Variants in NASP observed in about 807,000 individuals in gnomAD.
NASP encodes the protein nuclear autoantigenic sperm protein.
A neutral mutation model predicts 89.5 loss-of-function variants in NASP; 24 were observed. The observed-to-expected ratio is 0.27, with a 90% CI of 0.19 to 0.38. NASP has a LOEUF of 0.38. Among genes scored for constraint, NASP ranks in the 10% least tolerant of loss-of-function variants. The pLI, the probability that NASP is intolerant of heterozygous loss-of-function variation, is 1.00. For missense variants in NASP, 848 were observed against 921.4 expected (o/e 0.92, Z 1.03); for synonymous variants, 306 against 324.7 (o/e 0.94, Z 0.62).
intron 2 of NASP, among the ~76,000 whole-genome samples, chr1:45,591,737 C>G (rs554024425): frequency 6.6e-6 from 1 of 152,254 alleles, no homozygotes. Context: ...CCCGTAGTGA[C>G]TATGTTTCTT....
At chr1:45,614,829 G>T (rs989309749) in intron 9 of NASP, 184 bp from the exon 10 acceptor site, 6 of 575,834 alleles carry the variant, frequency 1.0e-5, no homozygotes, top group Non-Finnish European at 1.8e-5. Flanking sequence ...GAGCCACCAC[G>T]CCCAGCCTCA....
intron 1 of NASP, among the ~76,000 whole-genome samples, chr1:45,584,655 A>G (rs558718162): frequency 1.4e-5 from 2 of 142,942 alleles, no homozygotes; most frequent in South Asian, 2.5e-4. Flanking sequence ...TTGCACGAGG[A>G]AGGAGGCTGG....
chr1:45,588,594 T>G, intron 1 of NASP: 2 of 451,236 alleles, frequency 4.4e-6, no homozygotes, highest in South Asian at 3.1e-5. Flanking sequence ...ACCCTATCTT[T>G]GACTATTCGA....
intron 1 of NASP, chr1:45,588,971 GTT>G (rs1643440599): frequency 5.8e-6 from 1 of 171,130 alleles, no homozygotes; most frequent in Non-Finnish European, 1.3e-5. Context: ...TTGTTTGTTT[GTT>G]TGTTTGTTTG....
chr1:45,614,840 G>A (rs1644075765), intron 9 of NASP, 173 bp from the exon 10 acceptor site: 1 of 617,762 alleles, frequency 1.6e-6, no homozygotes, highest in Admixed American at 3.1e-5. Flanking sequence ...CCCAGCCTCA[G>A]TAGGTTTTTA....
rs967332455 is a variant in NASP, at chr1:45,599,100, T to A, written c.108-3155T>A. On this transcript the variant is annotated intron_variant, in intron 2 of 14. Transcript: ENST00000350030. ...TTTTACGGTTTCTTTCCTTTTTTTT[T>A]AAATAGAGAAAGAGTGTTTTTGTTT... 4.1e-4 allele frequency among the ~76,000 whole-genome samples: 63 copies of A among 152,250 alleles called. No homozygotes were observed. In the Middle Eastern group the frequency reaches 0.01, roughly 25 times the overall value.
At chr1:45,589,824 C>G (rs1213045206) in intron 1 of NASP, among the ~76,000 whole-genome samples, 1 of 151,912 alleles carries the variant, frequency 6.6e-6, no homozygotes, top group Non-Finnish European at 1.5e-5. Flanking sequence ...TGGCTTGAAC[C>G]CAGAAGGCAG....
intron 2 of NASP, among the ~76,000 whole-genome samples, chr1:45,601,388 T>C (rs371057461): frequency 3.9e-5 from 6 of 152,322 alleles, no homozygotes; most frequent in South Asian, 2.1e-4. Context: ...CTTTATTGCA[T>C]GTGGATTTAT....
chr1:45,590,353 C>T (rs958078485), intron 1 of NASP, among the ~76,000 whole-genome samples: 3 of 151,666 alleles, frequency 2.0e-5, no homozygotes, highest in Non-Finnish European at 4.4e-5. Flanking sequence ...ACCATCCTGG[C>T]TAACACGGTG....
chr1:45,604,316 T>C (rs1643884425), intron 3 of NASP, among the ~76,000 whole-genome samples: 1 of 152,238 alleles, frequency 6.6e-6, no homozygotes, highest in Non-Finnish European at 1.5e-5. Flanking sequence ...TGTCTAGATA[T>C]TAATAGCTAA....
At position 45,615,397 on chromosome 1, in the gene NASP, A is replaced by G; in HGVS notation, c.1948A>G (p.Arg650Gly). The G allele has an allele frequency of 6.2e-7, 1 of 1,614,236 alleles. No homozygotes were observed. The highest frequency in any genetic ancestry group is 8.5e-7 in the Non-Finnish European group (1 of 1,180,002). ...ACTAAAGGAACTGCTACCCGAAATTAGAGAGAAGATAGAAGATGCAAAGGA... is the reference window on the plus strand; with the variant it reads ...ACTAAAGGAACTGCTACCCGAAATTGGAGAGAAGATAGAAGATGCAAAGGA... ...EELKELLPEI[R>G]EKIEDAKESQ... is the part of the protein sequence containing the mutation. Residue 650 changes from arginine (R) to glycine (G), a missense_variant, in exon 11 of 15, where the codon AGA (arginine) becomes GGA (glycine). Around this residue, in one of 5 missense-constraint regions of NASP, gnomAD observed 218 missense variants for 219.6 expected, o/e 0.99. Coordinates refer to ENST00000350030, the MANE Select transcript of NASP (RefSeq NM_002482.4).
intron 13 of NASP, 92 bp downstream of exon 13, chr1:45,616,795 ATAAGACACTTATTTTCCAAAGGTGG>A: frequency 8.4e-7 from 1 of 1,184,232 alleles, no homozygotes; most frequent in Non-Finnish European, 1.3e-6. Flanking sequence ...GTTGGTGCAT[ATAAGACACTTATTTTCCAAAGGTGG>A]TAAGGATTTG....
chr1:45,613,479 G>T (rs1292251158), intron 7 of NASP, among the ~76,000 whole-genome samples: 3 of 152,074 alleles, frequency 2.0e-5, no homozygotes, highest in African/African-American at 7.2e-5. Context: ...ACCTAGTTTA[G>T]GCACGATTAT....
intron 1 of NASP, among the ~76,000 whole-genome samples, chr1:45,586,264 GTGTGTGTGTGTGTGTGTGTGGTGTGT>G (rs1644536607): frequency 1.2e-4 from 9 of 72,086 alleles, no homozygotes; most frequent in Non-Finnish European, 1.7e-4. Context: ...GTGTGTGTGT[GTGTGTGTGTGTGTGTGTGTGGTGTGT>G]GTGTGTGTGT....
At chr1:45,613,922 A>G (rs1644059587) in intron 7 of NASP, among the ~76,000 whole-genome samples, 174 bp from the exon 8 acceptor site, 1 of 152,196 alleles carries the variant, frequency 6.6e-6, no homozygotes, top group Non-Finnish European at 1.5e-5. Flanking sequence ...CACTGTTAAA[A>G]TATCAGTGAC....
intron 12 of NASP, 36 bp from the exon 13 acceptor site, chr1:45,616,590 G>A: frequency 6.3e-7 from 1 of 1,594,292 alleles, no homozygotes; most frequent in East Asian, 2.2e-5. Context: ...ATCTCATATA[G>A]CTTGTACAAT....
chr1:45,591,371 T>C lies in NASP; in HGVS notation c.107+101T>C. On this transcript the variant is annotated intron_variant, in intron 2 of 14. Transcript: ENST00000350030. ...TATTTTTTAATTAATTTATTTTTGATAGAGGCAAGGTGTCGCTTTGTTGCT... is the reference window on the plus strand; with the variant it reads ...TATTTTTTAATTAATTTATTTTTGACAGAGGCAAGGTGTCGCTTTGTTGCT... 2.3e-6 allele frequency: 2 copies of C among 852,430 alleles called. 1 individual carries two copies. The highest frequency in any genetic ancestry group is 3.5e-5 in the South Asian group (2 of 57,688). 52.8% of individuals were successfully genotyped at this position (852,430 alleles called of 1,614,324 possible).
In NASP at chr1:45,617,488, G is replaced by A. The variant is rs151193034; in HGVS notation, c.2183G>A (p.Arg728Gln). ...KKRKPEEESP[R>Q]KDDAKKAKQE... ...AGGAAACCAGAGGAAGAGAGTCCCC[G>A]GAAAGATGATGCAAAGAAAGCCAAA... Residue 728 changes from arginine (R) to glutamine (Q), a missense_variant, in exon 14 of 15, where the codon CGG becomes CAG. By Grantham distance (43) the Arg-to-Gln change is conservative. Transcript: ENST00000350030. 37 of 1,613,522 alleles carry A rather than the reference G, an allele frequency of 2.3e-5. No individual in the cohort carries two copies. The East Asian group carries it at 2.9e-4, about 13-fold the overall frequency.
chr1:45,607,609 A>C lies in NASP; in HGVS notation c.698A>C (p.Glu233Ala). 6.2e-7 allele frequency: 1 copy of C among 1,614,146 alleles called. No homozygotes were observed. Among genetic ancestry groups the C allele is most frequent in the Non-Finnish European group, 8.5e-7 (1 of 1,180,002 alleles). The change falls in exon 6 of 15, where the codon GAA becomes GCA. Residue 233 changes from glutamate to alanine, a missense_variant. Coordinates refer to ENST00000350030, the MANE Select transcript of NASP (RefSeq NM_002482.4). Reference protein sequence around the residue: ...NEAEVTSGKPEQEVPDAEEEK... With the variant: ...NEAEVTSGKPAQEVPDAEEEK... Reference sequence around the variant, plus strand: ...GCTGAGGTCACTTCTGGGAAGCCAGAACAGGAAGTACCAGATGCTGAGGAA... The same window carrying C: ...GCTGAGGTCACTTCTGGGAAGCCAGCACAGGAAGTACCAGATGCTGAGGAA...
Sources: allele counts gnomAD v4.1 joint callset (sites outside exome capture counted in the v4.1 genomes callset), GRCh38; gene constraint gnomAD v4.1.1; regional missense constraint gnomAD v4.1.1; transcripts MANE v1.5; gene names NCBI Gene and HGNC (gene_info 2026-07-23, HGNC 2026-07-21).